Variants in OARD1 observed in about 807,000 individuals in gnomAD.
OARD1 encodes ADP-ribose glycohydrolase OARD1.
A neutral mutation model predicts 19.7 loss-of-function variants in OARD1; 19 were observed. The observed-to-expected ratio is 0.96, with a 90% confidence interval of 0.67 to 1.41. The LOEUF is 1.41. Ranked by LOEUF, OARD1 falls within the 40% of genes most tolerant of loss-of-function variation. The pLI, the probability that OARD1 is intolerant of heterozygous loss-of-function variation, is 0.00. For missense variants in OARD1, 190 were observed against 183.8 expected (o/e 1.03, Z -0.20); for synonymous variants, 70 against 61.8 (o/e 1.13, Z -0.62).
upstream of OARD1, among the ~76,000 whole-genome samples, chr6:41,073,626 G>A (rs1233451824): frequency 2.0e-5 from 3 of 152,060 alleles, no homozygotes; most frequent in Non-Finnish European, 4.4e-5. Flanking sequence ...AGGTCGGGAG[G>A]GAGGCCTGGG....
intron 1 of OARD1, among the ~76,000 whole-genome samples, chr6:41,082,465 A>G (rs926595203): frequency 3.9e-5 from 6 of 152,224 alleles, no homozygotes; most frequent in Non-Finnish European, 8.8e-5. Context: ...TGTTGTAAAT[A>G]CAGTGAGCTC....
intron 3 of OARD1, 149 bp downstream of exon 3, chr6:41,070,983 T>C (rs1763311137): frequency 6.4e-6 from 5 of 782,982 alleles, no homozygotes; most frequent in Non-Finnish European, 1.1e-5. Flanking sequence ...ATGGTAAACG[T>C]CTAAACTAGA....
In OARD1 at chr6:41,071,228, A is replaced by C; in HGVS notation, c.88T>G (p.Leu30Val). 1 of 1,613,894 alleles carries C rather than the reference A, an allele frequency of 6.2e-7. No individual in the cohort carries two copies. The highest frequency in any genetic ancestry group is 8.5e-7 in the Non-Finnish European group (1 of 1,179,728). The change falls in exon 3 of 6, where the codon TTA (leucine) becomes GTA (valine). Residue 30 changes from leucine to valine, a missense_variant. Physicochemically the swap from Leu to Val is conservative, Grantham distance 32. Coordinates refer to ENST00000424266, the MANE Select transcript of OARD1 (RefSeq NM_001329686.2). ...DLFACPKTDS[L>V]AHCISEDCRM... ...CAATCCTCACTGATACAGTGGGCTA[A>C]AGAGTCTGTTTTCGGGCATGCAAAA...
rs1333670531 is a variant in OARD1 at position 41,069,967 on chromosome 6, G to A, written c.243+109C>T. The A allele has an allele frequency of 2.3e-5, 18 of 794,600 alleles. No homozygotes were observed. The East Asian group carries it at 4.4e-4, about 19-fold the overall frequency. The allele number at this position is 794,600 out of a possible 1,614,324, so 49.2% of individuals were successfully genotyped here. A position where few individuals can be genotyped will look rare whatever the true frequency, so the allele number is the denominator to read the frequency against. Reference sequence around the variant, plus strand: ...GCTTTTTGACATTCTTAGTTGTCTAGAATAGAACATCATGATCAACACAAA... The same window carrying A: ...GCTTTTTGACATTCTTAGTTGTCTAAAATAGAACATCATGATCAACACAAA... On this transcript the variant is annotated intron_variant, in intron 4 of 5. Transcript: ENST00000424266.
rs1762940742 is a variant in OARD1, at chr6:41,064,793, CTTCT to C, written c.*2538_*2541del. On this transcript the variant is annotated 3_prime_UTR_variant, in exon 6 of 6. Transcript: ENST00000424266. ...CAAATGCCAGTTAATAAGCAACTAGCTTCTTTATTAGAGAGGAGCGGGTGAAAAG... is the reference window on the plus strand; with the variant it reads ...CAAATGCCAGTTAATAAGCAACTAGCTTATTAGAGAGGAGCGGGTGAAAAG... 1 of 152,180 alleles carries C rather than the reference CTTCT, an allele frequency of 6.6e-6. No homozygotes were observed. Among genetic ancestry groups the C allele is most frequent in the East Asian group, 1.9e-4 (1 of 5,198 alleles). 9.4% of individuals were successfully genotyped at this position (152,180 alleles called of 1,614,324 possible). A position where few individuals can be genotyped will look rare whatever the true frequency, so the allele number is the denominator to read the frequency against.
intron 2 of OARD1, 47 bp from the exon 3 acceptor site, chr6:41,071,323 A>T: frequency 6.4e-7 from 1 of 1,565,582 alleles, no homozygotes; most frequent in Non-Finnish European, 8.8e-7. Flanking sequence ...AGATACAGTA[A>T]AATACTAAGC....
intron 1 of OARD1, among the ~76,000 whole-genome samples, chr6:41,086,433 A>G (rs539687709): frequency 2.6e-5 from 4 of 152,328 alleles, no homozygotes; most frequent in African/African-American, 7.2e-5. Context: ...GCTGAAAAAA[A>G]TATATTCTGT....
In OARD1 at chr6:41,065,270, T is replaced by C. The variant is rs1762960837; in HGVS notation, c.*2065A>G. On this transcript the variant is annotated 3_prime_UTR_variant, in exon 6 of 6. Transcript: ENST00000424266. ...AAGTAAAGGAAGCCTAGAAAATCCATGTTTTGACTTGTGTTAAGGTTTACA... is the reference window on the plus strand; with the variant it reads ...AAGTAAAGGAAGCCTAGAAAATCCACGTTTTGACTTGTGTTAAGGTTTACA... 1 of 152,200 alleles carries C rather than the reference T, an allele frequency of 6.6e-6. No homozygotes were observed. The highest frequency in any genetic ancestry group is 1.5e-5 in the Non-Finnish European group (1 of 68,042). 9.4% of individuals were successfully genotyped at this position (152,200 alleles called of 1,614,324 possible). A position where few individuals can be genotyped will look rare whatever the true frequency, so the allele number is the denominator to read the frequency against.
At chr6:41,087,346 GT>G (rs967412595) in intron 1 of OARD1, among the ~76,000 whole-genome samples, 2 of 152,086 alleles carry the variant, frequency 1.3e-5, no homozygotes, top group Non-Finnish European at 2.9e-5. Flanking sequence ...CCATTGACCT[GT>G]TTTTTTCACC....
chr6:41,088,953 A>G (rs150962176), intron 1 of OARD1, among the ~76,000 whole-genome samples: 2,669 of 152,298 alleles, frequency 0.018, 74 homozygotes, highest in African/African-American at 0.06. Context: ...TGGCAAGATT[A>G]AAAAATAATA....
At position 41,068,957 on chromosome 6, in the gene OARD1, A is replaced by C; in HGVS notation, c.244-4T>G. On this transcript the variant is annotated splice_region_variant and splice_polypyrimidine_tract_variant and intron_variant, in intron 4 of 5. Transcript: ENST00000424266. ...GCGAAGCCCTTTTCTTTGTAATCTG[A>C]ACACAAAGGATTCAAACTTTCATCA... 6.5e-7 allele frequency: 1 copy of C among 1,531,794 alleles called. No homozygotes were observed. The highest frequency in any genetic ancestry group is 8.9e-7 in the Non-Finnish European group (1 of 1,118,730). 94.9% of individuals were successfully genotyped at this position (1,531,794 alleles called of 1,614,324 possible).
At chr6:41,083,125 A>G (rs887892148) in intron 1 of OARD1, among the ~76,000 whole-genome samples, 6 of 152,220 alleles carry the variant, frequency 3.9e-5, no homozygotes, top group African/African-American at 9.6e-5. Context: ...GGACTATTCC[A>G]TGGATCATTA....
Position 41,069,138 on chromosome 6 carries a change from CTAAA to C in OARD1, c.244-189_244-186del, listed in dbSNP as rs201527502. 9.2e-3 allele frequency: 3,889 copies of C among 424,854 alleles called. 112 individuals carry two copies. The highest frequency in any genetic ancestry group is 0.069 in the African/African-American group (3,353 of 48,530). The allele number at this position is 424,854 out of a possible 1,614,324, so 26.3% of individuals were successfully genotyped here. A position where few individuals can be genotyped will look rare whatever the true frequency, so the allele number is the denominator to read the frequency against. Reference sequence around the variant, plus strand: ...TATGGGAGACCTTCAAGAAAATCCACTAAATAGAGGCTGAGAAACCCAGACTCTG... The same window carrying C: ...TATGGGAGACCTTCAAGAAAATCCACTAGAGGCTGAGAAACCCAGACTCTG... On this transcript the variant is annotated intron_variant, in intron 4 of 5. Coordinates refer to ENST00000424266, the MANE Select transcript of OARD1 (RefSeq NM_001329686.2).
intron 1 of OARD1, chr6:41,090,123 A>T (rs1268366358): frequency 3.4e-5 from 28 of 814,858 alleles, no homozygotes; most frequent in East Asian, 1.2e-4. Flanking sequence ...CAAAAAAATA[A>T]TTTTTTTTTT....
chr6:41,088,956 AAAT>A (rs1189921948), intron 1 of OARD1, among the ~76,000 whole-genome samples: 1 of 152,088 alleles, frequency 6.6e-6, no homozygotes, highest in Non-Finnish European at 1.5e-5. Context: ...CAAGATTAAA[AAAT>A]AATAATAAAG....
At position 41,090,302 on chromosome 6, in the gene OARD1, C is replaced by T. The variant is rs748246560; in HGVS notation, c.-42+7411G>A. Reference sequence around the variant, plus strand: ...CAGTTAATGCAGATGGCACCATTCTCCAGCAAGGTAAGTGTACCCATAAGC... The same window carrying T: ...CAGTTAATGCAGATGGCACCATTCTTCAGCAAGGTAAGTGTACCCATAAGC... On this transcript the variant is annotated intron_variant, in intron 1 of 4. Coordinates refer to the OARD1 transcript ENST00000480585. 7.4e-6 allele frequency: 12 copies of T among 1,612,620 alleles called. No homozygotes were observed. In the South Asian group the frequency reaches 1.1e-4, roughly 15 times the overall value.
At chr6:41,095,775 A>G (rs770207026) in intron 1 of OARD1, among the ~76,000 whole-genome samples, 1 of 152,192 alleles carries the variant, frequency 6.6e-6, no homozygotes, top group Non-Finnish European at 1.5e-5. Flanking sequence ...GAATTTTTCA[A>G]GATTGTTTCC....
chr6:41,076,786 A>C (rs1257551630), upstream of OARD1, among the ~76,000 whole-genome samples: 1 of 152,238 alleles, frequency 6.6e-6, no homozygotes, highest in Non-Finnish European at 1.5e-5. Flanking sequence ...TTTGGGAAAG[A>C]CTATCGAATT....
chr6:41,068,835 C>A lies in OARD1; in HGVS notation c.356+6G>T. On this transcript the variant is annotated splice_donor_region_variant and intron_variant, in intron 5 of 5. Transcript: ENST00000424266. ...AATCTCCATTTAGGACCATGGATTT[C>A]CTTGCCTGGGCATGGAGAGGTCAGT... 6.8e-7 allele frequency: 1 copy of A among 1,465,286 alleles called. No homozygotes were observed. Among genetic ancestry groups the A allele is most frequent in the South Asian group, 1.2e-5 (1 of 82,988 alleles). The allele number at this position is 1,465,286 out of a possible 1,614,324, so 90.8% of individuals were successfully genotyped here.
Sources: gnomAD v4.1 joint callset for allele counts (sites outside exome capture counted in the v4.1 genomes callset) on GRCh38, gnomAD v4.1.1 for gene constraint, MANE v1.5 for transcripts, NCBI Gene and HGNC (gene_info 2026-07-23, HGNC 2026-07-21) for gene names.